Variants in CDH12 observed in about 807,000 individuals in gnomAD.
CDH12 encodes cadherin 12, also known as cadherin-12.
A neutral mutation model predicts 74.1 loss-of-function variants in CDH12; 41 were observed. The ratio of observed to expected loss-of-function variants is 0.55; its 90% CI spans 0.43 to 0.72. The LOEUF is 0.72. Among genes scored for constraint, CDH12 ranks in the 30% least tolerant of loss-of-function variants. CDH12 has a pLI of 0.00. For synonymous variants in CDH12, 399 were observed against 355.0 expected, an observed-to-expected ratio of 1.12 and a Z score of -1.39; for missense variants, 945 against 977.2, an observed-to-expected ratio of 0.97 and a Z score of 0.44.
intron 4 of CDH12, among the ~76,000 whole-genome samples, chr5:22,189,836 G>A (rs1750164799): frequency 1.2e-5 from 1 of 82,370 alleles, no homozygotes; most frequent in Non-Finnish European, 2.5e-5. Flanking sequence ...TGCCTCAGAA[G>A]CATTACCACA....
chr5:22,129,536 A>G (rs1029793873), intron 4 of CDH12, among the ~76,000 whole-genome samples: 1 of 152,122 alleles, frequency 6.6e-6, no homozygotes, highest in Non-Finnish European at 1.5e-5. Context: ...TGATCTGTGG[A>G]AAACAAAATT....
At chr5:22,269,104 G>A (rs1736266329) in intron 3 of CDH12, among the ~76,000 whole-genome samples, 1 of 151,996 alleles carries the variant, frequency 6.6e-6, no homozygotes. Context: ...TTCTATGCAA[G>A]CTTTCTGAGA....
At chr5:22,455,184 G>A (rs1745214693) in intron 2 of CDH12, among the ~76,000 whole-genome samples, 1 of 152,194 alleles carries the variant, frequency 6.6e-6, no homozygotes, top group Non-Finnish European at 1.5e-5. Flanking sequence ...GAAACAGAAA[G>A]TCTAGTAATA....
At chr5:22,117,647 T>C (rs1044104969) in intron 4 of CDH12, among the ~76,000 whole-genome samples, 2 of 147,296 alleles carry the variant, frequency 1.4e-5, no homozygotes, top group Non-Finnish European at 3.0e-5. Flanking sequence ...AGAAATGTTA[T>C]TCGCTTTAAA....
intron 3 of CDH12, among the ~76,000 whole-genome samples, chr5:22,268,954 G>A (rs190551601): frequency 1.8e-4 from 27 of 152,186 alleles, no homozygotes; most frequent in African/African-American, 6.5e-4. Context: ...TAATATAGTG[G>A]TTAAGATCAT....
At chr5:22,811,945 G>T (rs1193324691) in intron 1 of CDH12, among the ~76,000 whole-genome samples, 2 of 152,114 alleles carry the variant, frequency 1.3e-5, no homozygotes, top group African/African-American at 4.8e-5. Flanking sequence ...GTTCATAGAG[G>T]TCGACCTTCT....
At chr5:22,789,150 A>G (rs1336290900) in intron 1 of CDH12, among the ~76,000 whole-genome samples, 1 of 152,100 alleles carries the variant, frequency 6.6e-6, no homozygotes, top group Non-Finnish European at 1.5e-5. Flanking sequence ...GAGAAAGAAA[A>G]TAAAAGGAAA....
chr5:22,764,983 G>A (rs1746424336), intron 1 of CDH12, among the ~76,000 whole-genome samples: 1 of 151,794 alleles, frequency 6.6e-6, no homozygotes, highest in South Asian at 2.1e-4. Flanking sequence ...CTGACACTGA[G>A]GTAATTCTGC....
intron 3 of CDH12, among the ~76,000 whole-genome samples, chr5:22,298,024 T>C (rs1038214503): frequency 6.6e-6 from 1 of 151,786 alleles, no homozygotes. Context: ...TAGCATTTAG[T>C]GTTTGTTAAT....
intron 1 of CDH12, among the ~76,000 whole-genome samples, chr5:22,728,873 G>C (rs552952823): frequency 4.7e-4 from 71 of 151,890 alleles, no homozygotes; most frequent in Non-Finnish European, 8.4e-4. Flanking sequence ...CCACATCCTA[G>C]TACCATACCA....
intron 1 of CDH12, among the ~76,000 whole-genome samples, chr5:22,701,634 C>T (rs1037231527): frequency 1.3e-5 from 2 of 152,036 alleles, no homozygotes; most frequent in African/African-American, 4.8e-5. Flanking sequence ...AAAGCATTGC[C>T]TTTTATTACT....
At chr5:21,964,652 G>C (rs892574364) in intron 6 of CDH12, among the ~76,000 whole-genome samples, 8 of 151,922 alleles carry the variant, frequency 5.3e-5, no homozygotes, top group Non-Finnish European at 1.0e-4. Flanking sequence ...TTGTATTAGA[G>C]ATTAACATAT....
chr5:22,263,548 A>C (rs1753598208), intron 3 of CDH12, among the ~76,000 whole-genome samples: 1 of 152,128 alleles, frequency 6.6e-6, no homozygotes, highest in South Asian at 2.1e-4. Flanking sequence ...ACTTAAAAAC[A>C]TCCTGGCCAT....
chr5:22,473,822 G>A (rs771947239), intron 2 of CDH12, among the ~76,000 whole-genome samples: 4 of 151,960 alleles, frequency 2.6e-5, no homozygotes, highest in Admixed American at 6.6e-5. Context: ...ATGGAAAATC[G>A]GACTGACATT....
At chr5:22,606,731 C>G (rs186680003) in intron 1 of CDH12, among the ~76,000 whole-genome samples, 13 of 152,138 alleles carry the variant, frequency 8.5e-5, no homozygotes, top group African/African-American at 2.9e-4. Context: ...TAAATTGGTA[C>G]CAGGAGAGTG....
At chr5:22,050,678 C>A (rs1018909643) in intron 5 of CDH12, among the ~76,000 whole-genome samples, 1 of 152,078 alleles carries the variant, frequency 6.6e-6, no homozygotes, top group Non-Finnish European at 1.5e-5. Flanking sequence ...TCTTGGATAA[C>A]TGTGACAATT....
At chr5:22,698,729 ATATATAGTGT>A (rs1742546759) in intron 1 of CDH12, among the ~76,000 whole-genome samples, 12 of 7,716 alleles carry the variant, frequency 1.6e-3, no homozygotes, top group East Asian at 7.4e-3. Flanking sequence ...ATATATATAT[ATATATAGTGT>A]GTGTGTGTGT....
intron 6 of CDH12, among the ~76,000 whole-genome samples, chr5:21,857,543 A>ATTCT (rs1285119121): frequency 1.9e-4 from 29 of 151,968 alleles, no homozygotes; most frequent in Admixed American, 1.7e-3. Flanking sequence ...TTATAGTAAT[A>ATTCT]ACTATATTCT....
At chr5:22,280,900 G>A (rs1736849704) in intron 3 of CDH12, among the ~76,000 whole-genome samples, 1 of 152,036 alleles carries the variant, frequency 6.6e-6, no homozygotes, top group Non-Finnish European at 1.5e-5. Context: ...AGATACCAAA[G>A]CCTGGCAGAG....
Sources: allele counts gnomAD v4.1 joint callset (sites outside exome capture counted in the v4.1 genomes callset), GRCh38; gene constraint gnomAD v4.1.1; transcripts MANE v1.5; gene names NCBI Gene and HGNC (gene_info 2026-07-23, HGNC 2026-07-21).